GREB1L: variants seen among roughly 807,000 people sequenced by gnomAD.
GREB1L encodes GREB1-like protein.
Under a neutral mutation model 200.8 loss-of-function variants are expected in GREB1L, and 17 were observed. That is an observed-to-expected ratio of 0.08 (90% CI 0.06 to 0.13). GREB1L has a LOEUF of 0.13. Among genes scored for constraint, GREB1L ranks in the 10% least tolerant of loss-of-function variants. The pLI, the probability that GREB1L is intolerant of heterozygous loss-of-function variation, is 1.00. For missense variants in GREB1L, 1,657 were observed against 2,367.7 expected (o/e 0.70, Z 6.23); for synonymous variants, 789 against 893.0 (o/e 0.88, Z 2.08).
intron 15 of GREB1L, chr18:21,468,632 A>C: frequency 2.2e-6 from 1 of 445,204 alleles, no homozygotes; most frequent in South Asian, 1.6e-5. Context: ...CCTAACTATA[A>C]TACAATTATC....
intron 7 of GREB1L, among the ~76,000 whole-genome samples, chr18:21,432,167 C>T (rs550521034): frequency 2.0e-5 from 3 of 152,154 alleles, no homozygotes; most frequent in African/African-American, 7.2e-5. Flanking sequence ...TCATGATCCG[C>T]CCACCTCGGC....
intron 11 of GREB1L, 87 bp from the exon 12 acceptor site, chr18:21,449,423 G>A (rs2034407058): frequency 1.3e-6 from 1 of 775,594 alleles, no homozygotes; most frequent in Middle Eastern, 2.3e-4. Context: ...ATGATGGGCT[G>A]AGAAGGACTG....
chr18:21,401,444 A>G (rs2041311658), intron 6 of GREB1L, 118 bp downstream of exon 6: 1 of 808,582 alleles, frequency 1.2e-6, no homozygotes, highest in Non-Finnish European at 1.8e-6. Flanking sequence ...GTTCAGAAGG[A>G]TATCCCAAAA....
At chr18:21,455,122 T>A (rs2034697128) in intron 15 of GREB1L, 1 of 151,902 alleles carries the variant, frequency 6.6e-6, no homozygotes, top group Non-Finnish European at 1.5e-5. Context: ...GCAAAAATTT[T>A]ACAAGTCTAA....
chr18:21,402,541 T>C (rs1219256492), intron 6 of GREB1L, among the ~76,000 whole-genome samples: 1 of 151,506 alleles, frequency 6.6e-6, no homozygotes, highest in Non-Finnish European at 1.5e-5. Context: ...TCCTTTCTTT[T>C]CTTTTCTTTC....
At chr18:21,467,935 G>A (rs1213869564) in intron 15 of GREB1L, among the ~76,000 whole-genome samples, 6 of 151,402 alleles carry the variant, frequency 4.0e-5, no homozygotes, top group African/African-American at 1.5e-4. Flanking sequence ...TGAGGCAGGA[G>A]AATGGCATGA....
intron 1 of GREB1L, chr18:21,363,770 G>A (rs1365684587): frequency 6.6e-6 from 1 of 152,202 alleles, no homozygotes; most frequent in African/African-American, 2.4e-5. Context: ...GAGGAAGAGA[G>A]CAAAGATGGA....
chr18:21,253,512 G>A (rs4800556), intron 1 of GREB1L, among the ~76,000 whole-genome samples: 30,206 of 151,876 alleles, frequency 0.2, 7,150 homozygotes, highest in African/African-American at 0.57. Context: ...TGGCCTCCCA[G>A]AGTGCTGGAA....
At chr18:21,267,431 C>T (rs1395297103) in intron 1 of GREB1L, among the ~76,000 whole-genome samples, 4 of 152,124 alleles carry the variant, frequency 2.6e-5, no homozygotes, top group Admixed American at 1.3e-4. Context: ...ATCTACCTGC[C>T]TCGGTCTCCC....
chr18:21,462,414 G>A (rs1325671490), intron 15 of GREB1L, among the ~76,000 whole-genome samples: 3 of 152,198 alleles, frequency 2.0e-5, no homozygotes, highest in South Asian at 2.1e-4. Context: ...TAAGTCAGAA[G>A]CTAATGAAAA....
At chr18:21,522,200 C>A (rs923110207) in intron 32 of GREB1L, among the ~76,000 whole-genome samples, 18 of 151,536 alleles carry the variant, frequency 1.2e-4, no homozygotes, top group Non-Finnish European at 2.1e-4. Flanking sequence ...GGGCTGGGCG[C>A]AGTGGCTCAC....
At chr18:21,359,645 G>A (rs963960115) in intron 1 of GREB1L, among the ~76,000 whole-genome samples, 8 of 152,160 alleles carry the variant, frequency 5.3e-5, no homozygotes, top group African/African-American at 1.2e-4. Flanking sequence ...TCTCCATTCA[G>A]TTCTCCTAAG....
chr18:21,267,934 A>T (rs1311362132), intron 1 of GREB1L, among the ~76,000 whole-genome samples: 2 of 152,050 alleles, frequency 1.3e-5, no homozygotes, highest in Non-Finnish European at 2.9e-5. Context: ...TAAGAAACTG[A>T]GGCACAGTAG....
At chr18:21,510,542 T>TA (rs1413825618) in intron 27 of GREB1L, among the ~76,000 whole-genome samples, 3 of 152,246 alleles carry the variant, frequency 2.0e-5, no homozygotes, top group Admixed American at 1.3e-4. Flanking sequence ...AAAGGCTGAA[T>TA]AATATTCCAT....
intron 19 of GREB1L, 117 bp downstream of exon 19, chr18:21,490,468 C>T: frequency 1.3e-6 from 1 of 786,554 alleles, no homozygotes; most frequent in Non-Finnish European, 2.0e-6. Flanking sequence ...GATTCCATGA[C>T]AATGATAAGG....
At chr18:21,363,282 CCCCCGCCCCCCCCCCCCCA>C in intron 1 of GREB1L, among the ~76,000 whole-genome samples, 1 of 66,446 alleles carries the variant, frequency 1.5e-5, no homozygotes, top group Non-Finnish European at 3.0e-5. Flanking sequence ...CTCCGCCTCC[CCCCCGCCCCCCCCCCCCCA>C]CACACACAAG....
intron 15 of GREB1L, 192 bp downstream of exon 15, chr18:21,454,755 G>A: frequency 1.7e-6 from 1 of 603,314 alleles, no homozygotes; most frequent in South Asian, 2.0e-5. Flanking sequence ...TTTCCCTCAA[G>A]GTCAAGGGTA....
intron 27 of GREB1L, among the ~76,000 whole-genome samples, chr18:21,510,492 C>G (rs2037196080): frequency 6.6e-6 from 1 of 152,196 alleles, no homozygotes; most frequent in Non-Finnish European, 1.5e-5. Context: ...CCTCAAGGTT[C>G]ATCCATGTTG....
intron 10 of GREB1L, 104 bp from the exon 11 acceptor site, chr18:21,444,120 G>T: frequency 1.4e-6 from 1 of 714,342 alleles, no homozygotes; most frequent in South Asian, 2.2e-5. Context: ...ATCTCAGAGG[G>T]CAGGGAATTT....
Sources: gnomAD v4.1 joint callset for allele counts (sites outside exome capture counted in the v4.1 genomes callset) on GRCh38, gnomAD v4.1.1 for gene constraint, MANE v1.5 for transcripts, NCBI Gene and HGNC (gene_info 2026-07-23, HGNC 2026-07-21) for gene names.